Variants in GAS2 observed in about 807,000 individuals in gnomAD.
The protein encoded by GAS2 is growth arrest specific 2.
A neutral mutation model predicts 37.5 loss-of-function variants in GAS2; 20 were observed. The ratio of observed to expected loss-of-function variants is 0.53; its 90% CI spans 0.37 to 0.77. The LOEUF is 0.77. GAS2 is among the 30% of genes least tolerant of loss of function. GAS2 has a pLI of 0.00. For synonymous variants in GAS2, 144 were observed against 132.2 expected (o/e 1.09, Z -0.61); for missense variants, 336 against 373.4 (o/e 0.90, Z 0.82).
chr11:22,682,883 AAAAGG>A (rs1171956419), intron 2 of GAS2, among the ~76,000 whole-genome samples: 1,688 of 119,190 alleles, frequency 0.014, 35 homozygotes, highest in African/African-American at 0.064. Flanking sequence ...AAAAAAAAAA[AAAAGG>A]AAAAAAAAAA....
chr11:22,758,062 C>G (rs1854147223), intron 7 of GAS2, among the ~76,000 whole-genome samples: 1 of 152,104 alleles, frequency 6.6e-6, no homozygotes, highest in Non-Finnish European at 1.5e-5. Context: ...GTGGTAGGGA[C>G]TATATTTAAT....
At chr11:22,663,584 T>C (rs909724112), upstream of GAS2, among the ~76,000 whole-genome samples, 1 of 152,196 alleles carries the variant, frequency 6.6e-6, no homozygotes, top group African/African-American at 2.4e-5. Flanking sequence ...ATATTTATGC[T>C]ACTGTTGTGT....
intron 1 of GAS2, among the ~76,000 whole-genome samples, chr11:22,671,793 A>G (rs891265575): frequency 6.6e-6 from 1 of 152,128 alleles, no homozygotes; most frequent in Admixed American, 6.5e-5. Context: ...TTTCTTCACC[A>G]CAATATAATC....
At chr11:22,760,763 G>A (rs989126484) in intron 7 of GAS2, among the ~76,000 whole-genome samples, 2 of 152,182 alleles carry the variant, frequency 1.3e-5, no homozygotes, top group African/African-American at 4.8e-5. Context: ...AGAATTATGA[G>A]TGTGTGATTT....
Position 22,726,373 on chromosome 11 carries a change from T to C in GAS2, c.349T>C (p.Leu117=). 2 of 1,613,056 alleles carry C rather than the reference T, an allele frequency of 1.2e-6. No individual in the cohort carries two copies. The highest frequency in any genetic ancestry group is 2.2e-5 in the East Asian group (1 of 44,834). Reference sequence around the variant, plus strand: ...TGCCAGAGACAATACAGCAAATTTCTTATCCTGGTGCCGAGATTTAGGGGT... The same window carrying C: ...TGCCAGAGACAATACAGCAAATTTCCTATCCTGGTGCCGAGATTTAGGGGT... ...FFARDNTANF[L]SWCRDLGVDE... The change falls in exon 4 of 8, where the codon TTA becomes CTA. Residue 117 remains leucine (L), a synonymous_variant. Coordinates refer to ENST00000454584, the MANE Select transcript of GAS2 (RefSeq NM_001143830.3).
intron 7 of GAS2, among the ~76,000 whole-genome samples, chr11:22,794,610 C>A (rs1590139401): frequency 6.6e-6 from 1 of 152,206 alleles, no homozygotes; most frequent in East Asian, 1.9e-4. Context: ...CATTATTCAG[C>A]ATTTATTTTA....
intron 3 of GAS2, among the ~76,000 whole-genome samples, chr11:22,710,297 C>A (rs1247831162): frequency 1.3e-5 from 2 of 152,076 alleles, no homozygotes; most frequent in Admixed American, 1.3e-4. Flanking sequence ...AATCTTTGAA[C>A]TTTTGAAAAT....
At chr11:22,697,920 A>G (rs1438360789) in intron 3 of GAS2, among the ~76,000 whole-genome samples, 1 of 152,110 alleles carries the variant, frequency 6.6e-6, no homozygotes, top group African/African-American at 2.4e-5. Flanking sequence ...TCTTTTCCTA[A>G]TTGAATACCC....
At chr11:22,810,897 T>C (rs190495597) in intron 7 of GAS2, among the ~76,000 whole-genome samples, 38 of 152,334 alleles carry the variant, frequency 2.5e-4, no homozygotes, top group African/African-American at 9.1e-4. Context: ...TTCCCAGACT[T>C]TCTCTCACAA....
chr11:22,755,604 C>T, intron 6 of GAS2: 1 of 346,916 alleles, frequency 2.9e-6, no homozygotes, highest in Non-Finnish European at 5.3e-6. Flanking sequence ...CATTATCCTC[C>T]AGCATCATCA....
intron 3 of GAS2, among the ~76,000 whole-genome samples, chr11:22,703,427 A>C (rs554190439): frequency 2.6e-5 from 4 of 152,300 alleles, no homozygotes; most frequent in African/African-American, 9.6e-5. Context: ...AATTATTTTA[A>C]AATGAGCTGT....
intron 1 of GAS2, among the ~76,000 whole-genome samples, chr11:22,640,594 C>T (rs1459103718): frequency 2.6e-5 from 4 of 152,014 alleles, no homozygotes; most frequent in Non-Finnish European, 5.9e-5. Context: ...TTGCAACTGA[C>T]CATTTCAAAC....
intron 7 of GAS2, among the ~76,000 whole-genome samples, chr11:22,779,623 G>C (rs927724918): frequency 9.9e-5 from 15 of 152,014 alleles, no homozygotes; most frequent in African/African-American, 3.4e-4. Context: ...GCTTGAACCT[G>C]GGAGGTGGAG....
chr11:22,653,492 T>C (rs1489573677), intron 1 of GAS2, among the ~76,000 whole-genome samples: 1 of 152,204 alleles, frequency 6.6e-6, no homozygotes, highest in Non-Finnish European at 1.5e-5. Context: ...AGAAACTTTC[T>C]TGTTTTTAAT....
upstream of GAS2, among the ~76,000 whole-genome samples, chr11:22,663,405 CA>C (rs551422163): frequency 4.4e-4 from 57 of 128,578 alleles, 2 homozygotes; most frequent in African/African-American, 7.8e-4. Flanking sequence ...TAGCCCTTCT[CA>C]AAAAAAAAAA....
At chr11:22,660,234 G>T (rs146729787) in intron 1 of GAS2, among the ~76,000 whole-genome samples, 78 of 152,276 alleles carry the variant, frequency 5.1e-4, no homozygotes, top group African/African-American at 1.7e-3. Context: ...GAAGCCACTG[G>T]ATGTCTAAAG....
chr11:22,809,654 ATT>A (rs34667252), intron 7 of GAS2, among the ~76,000 whole-genome samples: 50 of 131,888 alleles, frequency 3.8e-4, no homozygotes, highest in Middle Eastern at 4.1e-3. Flanking sequence ...TGCCCAGCTA[ATT>A]TTTTTTTTTT....
In GAS2 at chr11:22,769,225, A is replaced by G. The variant is rs78615139; in HGVS notation, c.723+13272A>G. ...CTCCCCTCCCAGGGTGATATTTACA[A>G]AACACCTTATACCTCCTACTATTCC... On this transcript the variant is annotated intron_variant, in intron 7 of 7. Transcript: ENST00000454584. Among the ~76,000 whole-genome samples the G allele has an allele frequency of 4.3e-3, 649 of 152,302 alleles. 10 individuals carry two copies. The highest frequency in any genetic ancestry group is 0.015 in the African/African-American group (620 of 41,560).
chr11:22,733,017 G>C (rs952425185), intron 4 of GAS2, among the ~76,000 whole-genome samples: 1 of 151,400 alleles, frequency 6.6e-6, no homozygotes, highest in African/African-American at 2.4e-5. Flanking sequence ...ATTAGAGCTG[G>C]ATAGGTCCCC....
Sources: allele counts gnomAD v4.1 joint callset (sites outside exome capture counted in the v4.1 genomes callset), GRCh38; gene constraint gnomAD v4.1.1; transcripts MANE v1.5; gene names NCBI Gene and HGNC (gene_info 2026-07-23, HGNC 2026-07-21).